The following RBM25 variants were observed in gnomAD, a reference collection of about 807,000 sequenced individuals.
RBM25 encodes the protein RNA binding motif protein 25, also known as RNA-binding protein 25.
In RBM25, 19 loss-of-function variants were observed where a neutral mutation model predicts 120.7. The ratio of observed to expected loss-of-function variants is 0.16; its 90% CI spans 0.11 to 0.23. The LOEUF is 0.23. RBM25 is among the 10% of genes least tolerant of loss of function. RBM25 has a pLI of 1.00. For synonymous variants in RBM25, 390 were observed against 326.7 expected (o/e 1.19, Z -2.09); for missense variants, 605 against 1,041.5 (o/e 0.58, Z 5.77).
chr14:73,111,872 GA>G (rs901061822), intron 16 of RBM25, 70 bp downstream of exon 16: 28 of 1,450,954 alleles, frequency 1.9e-5, no homozygotes, highest in East Asian at 7.1e-5. Flanking sequence ...TTCATTTGAA[GA>G]AAAAAAAACC....
At chr14:73,074,535 A>T (rs962668833) in intron 2 of RBM25, among the ~76,000 whole-genome samples, 1 of 152,090 alleles carries the variant, frequency 6.6e-6, no homozygotes, top group Non-Finnish European at 1.5e-5. Flanking sequence ...GGAGTTCAAG[A>T]TCAGCCTGGA....
At chr14:73,119,308 T>A (rs562487900) in intron 18 of RBM25, among the ~76,000 whole-genome samples, 1 of 152,220 alleles carries the variant, frequency 6.6e-6, no homozygotes, top group African/African-American at 2.4e-5. Context: ...AGTCTTGCTC[T>A]GTTGCTCAGG....
chr14:73,068,061 G>T, intron 1 of RBM25: 1 of 520,464 alleles, frequency 1.9e-6, no homozygotes. Context: ...GGTTTAGCGT[G>T]AGCAGTGATC....
chr14:73,109,675 C>A (rs996377997), intron 14 of RBM25, among the ~76,000 whole-genome samples, 183 bp downstream of exon 14: 5 of 151,776 alleles, frequency 3.3e-5, no homozygotes, highest in African/African-American at 1.2e-4. Context: ...CGCCTGTAGT[C>A]CCAGCTACTC....
At chr14:73,119,263 T>C (rs973006108) in intron 18 of RBM25, among the ~76,000 whole-genome samples, 2 of 152,002 alleles carry the variant, frequency 1.3e-5, no homozygotes, top group Non-Finnish European at 2.9e-5. Context: ...ACCTTAAAAC[T>C]TTTTTGTTTT....
chr14:73,089,745 C>T (rs1895768956), intron 6 of RBM25, among the ~76,000 whole-genome samples: 1 of 151,902 alleles, frequency 6.6e-6, no homozygotes, highest in Admixed American at 6.6e-5. Context: ...TAGCTCACTG[C>T]AACCTCCACC....
chr14:73,084,063 A>C (rs1255697099), intron 5 of RBM25, among the ~76,000 whole-genome samples: 2 of 151,972 alleles, frequency 1.3e-5, no homozygotes, highest in Admixed American at 6.6e-5. Context: ...ATGCCCGGCT[A>C]ATTTTTGTAT....
rs544586898 is a variant in RBM25 at position 73,096,164 on chromosome 14, G to C, written c.544-751G>C. 3.9e-5 allele frequency among the ~76,000 whole-genome samples: 6 copies of C among 152,146 alleles called. No individual in the cohort carries two copies. The South Asian group carries it at 8.3e-4, about 21-fold the overall frequency. On this transcript the variant is annotated intron_variant, in intron 6 of 18. Coordinates refer to ENST00000261973, the MANE Select transcript of RBM25 (RefSeq NM_021239.3). ...GGCTAATTTTTGTATTTTTAGTAGAGTGGGGTTTCACCATGTTGGCCAGGC... is the reference window on the plus strand; with the variant it reads ...GGCTAATTTTTGTATTTTTAGTAGACTGGGGTTTCACCATGTTGGCCAGGC...
At chr14:73,089,568 T>C (rs1342833598) in intron 6 of RBM25, among the ~76,000 whole-genome samples, 1 of 152,196 alleles carries the variant, frequency 6.6e-6, no homozygotes, top group Admixed American at 6.5e-5. Context: ...TTGGCCAGGC[T>C]GGTCTCGAAC....
In RBM25 at chr14:73,121,723, T is replaced by A. The variant is rs1896544605; in HGVS notation, c.*1918T>A. On this transcript the variant is annotated 3_prime_UTR_variant, in exon 19 of 19. Coordinates refer to ENST00000261973, the MANE Select transcript of RBM25 (RefSeq NM_021239.3). ...AGCCACTATTAACATGAAGGTTTAT[T>A]CAGGTAGATTTGATTTCCTTTGCTT... is the stretch of plus-strand genomic sequence containing the variant. 1 of 152,212 alleles carries A rather than the reference T, an allele frequency of 6.6e-6. No individual in the cohort carries two copies. The allele number at this position is 152,212 out of a possible 1,614,324, so 9.4% of individuals were successfully genotyped here.
intron 9 of RBM25, chr14:73,100,158 T>C (rs916661699): frequency 2.1e-6 from 1 of 483,156 alleles, no homozygotes; most frequent in Non-Finnish European, 3.7e-6. Context: ...ATTTACATTT[T>C]ATATTTGTAT....
At chr14:73,094,424 CAAT>C (rs909413805) in intron 6 of RBM25, among the ~76,000 whole-genome samples, 48 of 151,798 alleles carry the variant, frequency 3.2e-4, no homozygotes, top group African/African-American at 6.0e-4. Context: ...ACAGTGGAAA[CAAT>C]AATCAATTTA....
chr14:73,071,804 C>CT (rs1485394338), intron 2 of RBM25, 57 bp downstream of exon 2: 6 of 1,370,484 alleles, frequency 4.4e-6, no homozygotes. Context: ...CTTTGTGATA[C>CT]TAACTTCAGG....
intron 18 of RBM25, among the ~76,000 whole-genome samples, chr14:73,116,267 G>A (rs894304326): frequency 6.6e-5 from 10 of 152,128 alleles, no homozygotes; most frequent in African/African-American, 1.9e-4. Context: ...AGGGCAGAGC[G>A]GGAAGACAGC....
chr14:73,076,616 C>G (rs1042225510), intron 3 of RBM25, among the ~76,000 whole-genome samples: 1 of 152,158 alleles, frequency 6.6e-6, no homozygotes, highest in South Asian at 2.1e-4. Flanking sequence ...ACTATCTAGA[C>G]TCTTCATATA....
chr14:73,120,089 C>A lies in RBM25; in HGVS notation c.*284C>A. On this transcript the variant is annotated 3_prime_UTR_variant, in exon 19 of 19. Transcript: ENST00000261973. ...GCCTATCTGATATAATCTTGTTCTG[C>A]TGATTTGTTTCTTGTAAATATTAAA... is the stretch of plus-strand genomic sequence containing the variant. The A allele has an allele frequency of 4.4e-6, 1 of 229,700 alleles. No individual in the cohort carries two copies. The allele number at this position is 229,700 out of a possible 1,614,324, so 14.2% of individuals were successfully genotyped here. A position where few individuals can be genotyped will look rare whatever the true frequency, so the allele number is the denominator to read the frequency against.
chr14:73,094,174 C>G (rs1177782851), intron 6 of RBM25, among the ~76,000 whole-genome samples: 2 of 150,026 alleles, frequency 1.3e-5, no homozygotes. Context: ...AGGATGGTCT[C>G]GATCTCCTGA....
chr14:73,085,903 T>C (rs914390011), intron 5 of RBM25, among the ~76,000 whole-genome samples: 284 of 152,316 alleles, frequency 1.9e-3, no homozygotes, highest in Non-Finnish European at 2.0e-3. Flanking sequence ...TTAGTGTTAT[T>C]GTATTTAATA....
chr14:73,093,011 A>G (rs1157618585), intron 6 of RBM25, among the ~76,000 whole-genome samples: 1 of 152,212 alleles, frequency 6.6e-6, no homozygotes, highest in East Asian at 1.9e-4. Flanking sequence ...GTAGTAAAGT[A>G]TTCCATGTGA....
Sources: gnomAD v4.1 joint callset for allele counts (sites outside exome capture counted in the v4.1 genomes callset) on GRCh38, gnomAD v4.1.1 for gene constraint, MANE v1.5 for transcripts, NCBI Gene and HGNC (gene_info 2026-07-23, HGNC 2026-07-21) for gene names.